Variants in ZNF521 observed in about 807,000 individuals in gnomAD.
ZNF521 encodes the protein zinc finger protein 521, also known as LYST-interacting protein 3.
ZNF521 carries 14 observed loss-of-function variants against 105.5 expected under a neutral mutation model. That is an observed-to-expected ratio of 0.13 (90% CI 0.09 to 0.21). ZNF521 has a LOEUF of 0.21. ZNF521 is among the 10% of genes least tolerant of loss of function. ZNF521 has a pLI of 1.00. For synonymous variants in ZNF521, 635 were observed against 606.0 expected, an observed-to-expected ratio of 1.05 and a Z score of -0.70; for missense variants, 1,233 against 1,629.7, an observed-to-expected ratio of 0.76 and a Z score of 4.19.
At chr18:25,339,860 G>T (rs994044211) in intron 2 of ZNF521, among the ~76,000 whole-genome samples, 2 of 152,164 alleles carry the variant, frequency 1.3e-5, no homozygotes, top group Admixed American at 1.3e-4. Flanking sequence ...GATGTGAGAT[G>T]AAAACAATAT....
chr18:25,283,924 C>CT (rs1568054774), intron 3 of ZNF521, among the ~76,000 whole-genome samples: 2 of 111,348 alleles, frequency 1.8e-5, no homozygotes, highest in Non-Finnish European at 3.8e-5. Context: ...CAATACTTTC[C>CT]CCCCCCCCCA....
intron 7 of ZNF521, among the ~76,000 whole-genome samples, chr18:25,075,145 C>T (rs1017511179): frequency 6.6e-6 from 1 of 152,170 alleles, no homozygotes; most frequent in Non-Finnish European, 1.5e-5. Flanking sequence ...AAGGGCCAGG[C>T]AACGGGAGGC....
chr18:25,274,217 G>A (rs1909887434), intron 3 of ZNF521, among the ~76,000 whole-genome samples: 1 of 152,088 alleles, frequency 6.6e-6, no homozygotes, highest in Admixed American at 6.6e-5. Flanking sequence ...CCTTATTCAA[G>A]GAATACCAAG....
At chr18:25,288,545 A>G (rs918366403) in intron 3 of ZNF521, among the ~76,000 whole-genome samples, 2 of 148,076 alleles carry the variant, frequency 1.4e-5, no homozygotes, top group African/African-American at 5.1e-5. Context: ...TACTGTATTC[A>G]TCATTATTCA....
At position 25,153,726 on chromosome 18, in the gene ZNF521, T is replaced by C. The variant is rs1327792375; in HGVS notation, c.3658+41434A>G. ...TCAGCCTCAGACTCTAACAGGCAGA[T>C]GGATCGTCTAACACTTCAAAGGCTT... On this transcript the variant is annotated intron_variant, in intron 5 of 7. Transcript: ENST00000361524. 2.0e-5 allele frequency among the ~76,000 whole-genome samples: 3 copies of C among 152,324 alleles called. No individual in the cohort carries two copies. In the East Asian group the frequency reaches 5.8e-4, roughly 29 times the overall value.
chr18:25,305,415 A>G (rs905103645), intron 3 of ZNF521, among the ~76,000 whole-genome samples: 2 of 152,228 alleles, frequency 1.3e-5, no homozygotes, highest in African/African-American at 2.4e-5. Context: ...ATTCATGACT[A>G]TCTTCTTATA....
chr18:25,072,009 A>G (rs549223526), intron 7 of ZNF521, among the ~76,000 whole-genome samples: 19 of 152,198 alleles, frequency 1.2e-4, no homozygotes, highest in Admixed American at 3.9e-4. Flanking sequence ...AGAGGGCAGG[A>G]ACTGTGTAGG....
intron 4 of ZNF521, among the ~76,000 whole-genome samples, chr18:25,214,050 C>G (rs2036238923): frequency 6.6e-6 from 1 of 152,068 alleles, no homozygotes; most frequent in African/African-American, 2.4e-5. Context: ...TATCACTCAC[C>G]AGGATAACCA....
chr18:25,179,980 A>G (rs1386622625), intron 5 of ZNF521, among the ~76,000 whole-genome samples: 1 of 152,232 alleles, frequency 6.6e-6, no homozygotes, highest in Non-Finnish European at 1.5e-5. Flanking sequence ...CAGTCATGCA[A>G]GTTAAGACCT....
intron 4 of ZNF521, among the ~76,000 whole-genome samples, chr18:25,215,370 C>T (rs2144698947): frequency 6.6e-6 from 1 of 152,266 alleles, no homozygotes; most frequent in East Asian, 1.9e-4. Context: ...ACTACATCTA[C>T]ATCATGTGGT....
Position 25,226,303 on chromosome 18 carries a change from G to A in ZNF521, c.1615C>T (p.Leu539Phe), listed in dbSNP as rs1307995737. 1 of 1,614,178 alleles carries A rather than the reference G, an allele frequency of 6.2e-7. No homozygotes were observed. Among genetic ancestry groups the A allele is most frequent in the Non-Finnish European group, 8.5e-7 (1 of 1,180,016 alleles). Reference protein sequence around the residue: ...EEHIRQVHCDLSGSRFGSPVL... With the variant: ...EEHIRQVHCDFSGSRFGSPVL... ...GGAGACCCAAATCGGGAGCCACTGA[G>A]GTCACAATGAACCTGTCTAATATGC... is the stretch of plus-strand genomic sequence containing the variant. The change falls in exon 4 of 8, where the codon CTC becomes TTC. Residue 539 changes from leucine to phenylalanine, a missense_variant. Physicochemically the swap from Leu to Phe is conservative, Grantham distance 22. This residue lies in a region of ZNF521 where 380 missense variants were observed against 478.0 expected (regional missense o/e 0.80). Coordinates refer to ENST00000361524, the MANE Select transcript of ZNF521 (RefSeq NM_015461.3). The surrounding 1 kb of genome is among the most constrained non-coding windows in gnomAD (Gnocchi z 4.1).
At chr18:25,298,002 C>T (rs1911420564) in intron 3 of ZNF521, among the ~76,000 whole-genome samples, 1 of 152,098 alleles carries the variant, frequency 6.6e-6, no homozygotes, top group African/African-American at 2.4e-5. Flanking sequence ...TCTCTATGTA[C>T]CAGGTCCTGG....
chr18:25,125,473 G>A (rs1321526457), intron 5 of ZNF521, among the ~76,000 whole-genome samples: 1 of 151,986 alleles, frequency 6.6e-6, no homozygotes, highest in Admixed American at 6.6e-5. Context: ...TTCCTAAAAT[G>A]AAACAGTAAT....
chr18:25,292,504 G>A (rs941673933), intron 3 of ZNF521, among the ~76,000 whole-genome samples: 12 of 152,078 alleles, frequency 7.9e-5, no homozygotes, highest in Non-Finnish European at 1.5e-4. Flanking sequence ...ATGACTAACT[G>A]TGTTTTCTTT....
intron 4 of ZNF521, among the ~76,000 whole-genome samples, chr18:25,211,834 G>C (rs995684688): frequency 7.9e-5 from 12 of 152,106 alleles, no homozygotes; most frequent in Admixed American, 3.3e-4. Context: ...TTTACTAAAA[G>C]GTTTATGGTT....
At chr18:25,192,006 G>A (rs896146683) in intron 5 of ZNF521, among the ~76,000 whole-genome samples, 1 of 152,144 alleles carries the variant, frequency 6.6e-6, no homozygotes, top group African/African-American at 2.4e-5. Flanking sequence ...TGTGAAATGA[G>A]CAAAGGAAGA....
rs778280467 is a variant in ZNF521, at chr18:25,352,102, G to A, written c.-99C>T. 1 of 481,974 alleles carries A rather than the reference G, an allele frequency of 2.1e-6. No homozygotes were observed. Among genetic ancestry groups the A allele is most frequent in the Non-Finnish European group, 4.2e-6 (1 of 238,982 alleles). 29.9% of individuals were successfully genotyped at this position (481,974 alleles called of 1,614,324 possible). On this transcript the variant is annotated 5_prime_UTR_variant, in exon 1 of 8. Transcript: ENST00000361524. Reference sequence around the variant, plus strand: ...AGCCATCAGGATGGCTCCAGAGGGGGCCCCTAACCCGCAGGGACTCGCTCT... The same window carrying A: ...AGCCATCAGGATGGCTCCAGAGGGGACCCCTAACCCGCAGGGACTCGCTCT...
chr18:25,299,557 G>C (rs960288015), intron 3 of ZNF521, among the ~76,000 whole-genome samples: 2 of 152,136 alleles, frequency 1.3e-5, no homozygotes, highest in South Asian at 4.2e-4. Context: ...AATATGTTGG[G>C]GAACAACACT....
Position 25,062,674 on chromosome 18 carries a change from G to A in ZNF521, c.*38C>T. On this transcript the variant is annotated 3_prime_UTR_variant, in exon 8 of 8. Transcript: ENST00000361524. ...AGAGTAAAACATGTTCCCTTTTTGT[G>A]CCACAAAATCAATTCTCCTTGAGAG... is the stretch of plus-strand genomic sequence containing the variant. The A allele has an allele frequency of 6.8e-7, 1 of 1,461,164 alleles. No homozygotes were observed. The highest frequency in any genetic ancestry group is 2.1e-5 in the Admixed American group (1 of 47,508). 90.5% of individuals were successfully genotyped at this position (1,461,164 alleles called of 1,614,324 possible).
Sources: allele counts gnomAD v4.1 joint callset (sites outside exome capture counted in the v4.1 genomes callset), GRCh38; gene constraint gnomAD v4.1.1; regional missense constraint gnomAD v4.1.1; non-coding constraint Gnocchi (gnomAD v3.1); transcripts MANE v1.5; gene names NCBI Gene and HGNC (gene_info 2026-07-23, HGNC 2026-07-21).